Variants in KIF6 observed in about 807,000 individuals in gnomAD.
KIF6 encodes the protein kinesin-like protein KIF6.
Under a neutral mutation model 112.7 loss-of-function variants are expected in KIF6, and 106 were observed. That is an observed-to-expected ratio of 0.94 (90% confidence interval 0.80 to 1.11). The LOEUF (loss-of-function observed/expected upper bound fraction) is 1.11. KIF6 is among the 50% of genes least tolerant of loss of function. KIF6 has a pLI of 0.00. For missense variants in KIF6, 929 were observed against 964.0 expected (o/e 0.96, Z 0.48); for synonymous variants, 339 against 339.9 (o/e 1.00, Z 0.03).
At chr6:39,389,103 A>G (rs1767657120) in intron 15 of KIF6, among the ~76,000 whole-genome samples, 1 of 152,306 alleles carries the variant, frequency 6.6e-6, no homozygotes, top group Admixed American at 6.5e-5. Context: ...GACCGCGAGC[A>G]GGGTATGTGG....
intron 10 of KIF6, among the ~76,000 whole-genome samples, chr6:39,562,340 T>A (rs1392628579): frequency 3.3e-5 from 5 of 152,206 alleles, no homozygotes; most frequent in Non-Finnish European, 7.3e-5. Context: ...GGGGATACGT[T>A]TTCCTACCAG....
chr6:39,346,065 T>C (rs912163095), intron 20 of KIF6, among the ~76,000 whole-genome samples: 1 of 18,110 alleles, frequency 5.5e-5, no homozygotes, highest in Non-Finnish European at 9.8e-5. Context: ...TCTCTCTCTC[T>C]CTCTCTCTCT....
chr6:39,342,401 T>G lies in KIF6; in HGVS notation c.2428+1308A>C, dbSNP rs927900702. On this transcript the variant is annotated intron_variant, in intron 22 of 22. Coordinates refer to ENST00000287152, the MANE Select transcript of KIF6 (RefSeq NM_145027.6). This position sits in a 1 kb window ranked among gnomAD's most constrained non-coding sequence, Gnocchi z 4.7. The stretch of plus-strand genomic sequence containing the variant: ...CTGTCTCCTTCCTCCCCCTAGAATG[T>G]CAGTTTCTCACGTGCTGGGTTCTGT... Among the ~76,000 whole-genome samples, 23 of 152,284 alleles carry G rather than the reference T, an allele frequency of 1.5e-4. No individual in the cohort carries two copies. Among genetic ancestry groups the G allele is most frequent in the Non-Finnish European group, 1.9e-4 (13 of 68,022 alleles).
chr6:39,709,731 C>T (rs1789428928), intron 3 of KIF6, among the ~76,000 whole-genome samples: 1 of 152,112 alleles, frequency 6.6e-6, no homozygotes, highest in Non-Finnish European at 1.5e-5. Flanking sequence ...CATGTGTTAA[C>T]CCAGTAGAAT....
chr6:39,355,893 C>T (rs1430274327), intron 19 of KIF6, among the ~76,000 whole-genome samples: 1 of 151,866 alleles, frequency 6.6e-6, no homozygotes, highest in African/African-American at 2.4e-5. Context: ...GCAGTTTTAC[C>T]TTAGTGTGGT....
At chr6:39,338,090 A>G (rs1336355980) in intron 22 of KIF6, among the ~76,000 whole-genome samples, 1 of 152,232 alleles carries the variant, frequency 6.6e-6, no homozygotes, top group Non-Finnish European at 1.5e-5. Flanking sequence ...ATATGCAGTT[A>G]TTTTGCTTAA....
At chr6:39,633,998 A>G (rs1377539571) in intron 5 of KIF6, among the ~76,000 whole-genome samples, 2 of 152,212 alleles carry the variant, frequency 1.3e-5, no homozygotes, top group Non-Finnish European at 2.9e-5. Flanking sequence ...TTCTTCGAAT[A>G]TATTCACTAC....
At chr6:39,394,117 C>T (rs940445593) in intron 15 of KIF6, among the ~76,000 whole-genome samples, 2 of 152,002 alleles carry the variant, frequency 1.3e-5, no homozygotes, top group Admixed American at 6.6e-5. Context: ...ATCTACAATG[C>T]TATGACAGGT....
At chr6:39,547,698 A>G (rs1472210135) in intron 10 of KIF6, among the ~76,000 whole-genome samples, 2 of 152,220 alleles carry the variant, frequency 1.3e-5, no homozygotes, top group Non-Finnish European at 2.9e-5. Flanking sequence ...TTTTACAAAA[A>G]TGAGATCATA....
chr6:39,377,533 A>G (rs985123456), intron 16 of KIF6, among the ~76,000 whole-genome samples: 1 of 152,208 alleles, frequency 6.6e-6, no homozygotes, highest in African/African-American at 2.4e-5. Flanking sequence ...TAGGTGCAGA[A>G]CTGCAAAAAG....
chr6:39,360,255 A>G, intron 18 of KIF6, 140 bp downstream of exon 18: 21 of 880,594 alleles, frequency 2.4e-5, no homozygotes, highest in South Asian at 3.7e-5. Flanking sequence ...CCTTGTTACT[A>G]CAGTGAGCAC....
Position 39,335,173 on chromosome 6 carries a change from CAT to C in KIF6, c.*1357_*1358del, listed in dbSNP as rs1477249540. The C allele has an allele frequency of 3.9e-5, 6 of 152,220 alleles. No homozygotes were observed. The East Asian group carries it at 1.2e-3, about 29-fold the overall frequency. 9.4% of individuals were successfully genotyped at this position (152,220 alleles called of 1,614,324 possible). ...AAAATAGGCAAGTTCGGAAGGATAA[CAT>C]GTCAGATAGTGATGCAGAAAAAATG... On this transcript the variant is annotated 3_prime_UTR_variant, in exon 23 of 23. Transcript: ENST00000287152.
At chr6:39,423,257 C>T (rs1770509399) in intron 14 of KIF6, among the ~76,000 whole-genome samples, 1 of 152,150 alleles carries the variant, frequency 6.6e-6, no homozygotes, top group Non-Finnish European at 1.5e-5. Flanking sequence ...TAACACCCAG[C>T]CCTCCTCAAC....
intron 9 of KIF6, chr6:39,583,564 A>G: frequency 2.2e-6 from 1 of 460,520 alleles, no homozygotes; most frequent in South Asian, 1.6e-5. Flanking sequence ...GAAAGAGGAG[A>G]AAGGACAAAC....
At chr6:39,502,374 TA>T (rs201244949) in intron 13 of KIF6, among the ~76,000 whole-genome samples, 10 of 150,686 alleles carry the variant, frequency 6.6e-5, no homozygotes, top group Non-Finnish European at 1.5e-4. Flanking sequence ...TACCAGCCAC[TA>T]AAAAAAACAC....
At position 39,527,383 on chromosome 6, in the gene KIF6, A is replaced by G. The variant is rs149121463; in HGVS notation, c.1645+12620T>C. On this transcript the variant is annotated intron_variant, in intron 13 of 22. Transcript: ENST00000287152. Reference sequence around the variant, plus strand: ...AATTACTCCCAGCCTGGTCTATTACATTTCCTAAACTATTTACTTGCTCTC... The same window carrying G: ...AATTACTCCCAGCCTGGTCTATTACGTTTCCTAAACTATTTACTTGCTCTC... 2.2e-4 allele frequency among the ~76,000 whole-genome samples: 34 copies of G among 152,012 alleles called. No homozygotes were observed. The East Asian group carries it at 6.4e-3, about 29-fold the overall frequency.
At chr6:39,583,533 C>G (rs994095178) in intron 9 of KIF6, 1 of 470,388 alleles carries the variant, frequency 2.1e-6, no homozygotes, top group South Asian at 1.6e-5. Context: ...TCCTCCTTCC[C>G]CCTCTGTCCT....
intron 15 of KIF6, among the ~76,000 whole-genome samples, chr6:39,387,542 A>G (rs1767529606): frequency 6.6e-6 from 1 of 152,086 alleles, no homozygotes; most frequent in Non-Finnish European, 1.5e-5. Flanking sequence ...CCCTTATTCC[A>G]TGTGGGGGAA....
chr6:39,346,086 C>CTCT (rs1326236666), intron 20 of KIF6, among the ~76,000 whole-genome samples: 2,278 of 26,862 alleles, frequency 0.085, 340 homozygotes, highest in African/African-American at 0.15. Context: ...CTCTCTCTCT[C>CTCT]CCCCCCCTCT....
Sources: allele counts gnomAD v4.1 joint callset (sites outside exome capture counted in the v4.1 genomes callset), GRCh38; gene constraint gnomAD v4.1.1; non-coding constraint Gnocchi (gnomAD v3.1); transcripts MANE v1.5; gene names NCBI Gene and HGNC (gene_info 2026-07-23, HGNC 2026-07-21).